Variants in ATP8A1 observed in about 807,000 individuals in gnomAD.
ATP8A1 encodes phospholipid-transporting ATPase IA.
A neutral mutation model predicts 177.7 loss-of-function variants in ATP8A1; 90 were observed. The observed-to-expected ratio is 0.51, with a 90% CI of 0.43 to 0.60. The LOEUF (loss-of-function observed/expected upper bound fraction) is 0.60, where lower values mean the gene tolerates loss of function less well. ATP8A1 is among the 20% of genes least tolerant of loss of function. The probability of loss-of-function intolerance (pLI) is 0.00; values close to 1 mark genes in which losing one functional copy is unlikely to be tolerated. For synonymous variants in ATP8A1, 493 were observed against 485.9 expected, an observed-to-expected ratio of 1.01 and a Z score of -0.19; for missense variants, 1,072 against 1,392.8, an observed-to-expected ratio of 0.77 and a Z score of 3.67.
chr4:42,650,695 A>C (rs546971733), intron 1 of ATP8A1, among the ~76,000 whole-genome samples: 17 of 152,186 alleles, frequency 1.1e-4, no homozygotes, highest in Non-Finnish European at 2.2e-4. Flanking sequence ...TAATCAAATA[A>C]ATGTCATTAT....
At position 42,455,337 on chromosome 4, in the gene ATP8A1, A is replaced by G. The variant is rs1718363025; in HGVS notation, c.2777T>C (p.Leu926Ser). 2.5e-6 allele frequency: 4 copies of G among 1,613,756 alleles called. No individual in the cohort carries two copies. The highest frequency in any genetic ancestry group is 3.4e-6 in the Non-Finnish European group (4 of 1,179,808). Residue 926 changes from leucine (L) to serine (S), a missense_variant, in exon 29 of 37, where the codon TTA becomes TCA. This residue lies in a region of ATP8A1 where 316 missense variants were observed against 459.1 expected (regional missense o/e 0.69). Coordinates refer to ENST00000381668, the MANE Select transcript of ATP8A1 (RefSeq NM_006095.2). ...CAGGGCATTCTGAGATGTTTTGTAT[A>G]ATTCAGGGTACTTCAACATGTTCTC... is the stretch of plus-strand genomic sequence containing the variant. ...RKENMLKYPE[L>S]YKTSQNALDF...
At position 42,533,934 on chromosome 4, in the gene ATP8A1, C is replaced by G. The variant is rs994314826; in HGVS notation, c.1723-9087G>C. Among the ~76,000 whole-genome samples the G allele has an allele frequency of 8.5e-5, 13 of 152,230 alleles. No individual in the cohort carries two copies. In the East Asian group the frequency reaches 2.5e-3, roughly 29 times the overall value. ...CAAGAACGGAAATAACAATCACTGC[C>G]GTTTGGCTCTCAGTAAGCCCCATCC... On this transcript the variant is annotated intron_variant, in intron 20 of 36. Coordinates refer to ENST00000381668, the MANE Select transcript of ATP8A1 (RefSeq NM_006095.2).
intron 25 of ATP8A1, 62 bp from the exon 26 acceptor site, chr4:42,465,138 G>A (rs768426106): frequency 8.4e-5 from 120 of 1,421,246 alleles, no homozygotes; most frequent in Middle Eastern, 3.6e-4. Context: ...AAATGCCATC[G>A]TGTTGAAGGA....
intron 7 of ATP8A1, among the ~76,000 whole-genome samples, chr4:42,590,378 A>T (rs1734044179): frequency 2.6e-5 from 4 of 152,188 alleles, no homozygotes; most frequent in Non-Finnish European, 5.9e-5. Flanking sequence ...TTACAGAAAA[A>T]TTTAAAATAC....
chr4:42,425,593 A>C (rs994885915), intron 33 of ATP8A1, among the ~76,000 whole-genome samples: 1 of 152,032 alleles, frequency 6.6e-6, no homozygotes, highest in African/African-American at 2.4e-5. Context: ...CCACAGAGGT[A>C]TTTCCTTCCT....
At chr4:42,454,709 G>A (rs547464141) in intron 29 of ATP8A1, among the ~76,000 whole-genome samples, 24 of 152,220 alleles carry the variant, frequency 1.6e-4, no homozygotes, top group Admixed American at 1.3e-3. Flanking sequence ...ATCACACCCA[G>A]AATGTGATTT....
At chr4:42,477,255 T>C (rs138924810) in intron 25 of ATP8A1, among the ~76,000 whole-genome samples, 183 of 152,330 alleles carry the variant, frequency 1.2e-3, no homozygotes, top group African/African-American at 4.0e-3. Flanking sequence ...TCAACCTCTC[T>C]AGTAATCAGA....
At chr4:42,589,159 A>C (rs1353863988) in intron 7 of ATP8A1, among the ~76,000 whole-genome samples, 1 of 152,110 alleles carries the variant, frequency 6.6e-6, no homozygotes, top group East Asian at 1.9e-4. Flanking sequence ...TCCCTTTCAC[A>C]TGCTGATTTG....
At chr4:42,495,910 A>G (rs2153191621) in intron 24 of ATP8A1, among the ~76,000 whole-genome samples, 1 of 152,300 alleles carries the variant, frequency 6.6e-6, no homozygotes, top group East Asian at 1.9e-4. Context: ...CTAATACACA[A>G]ATATAGGTTT....
chr4:42,432,204 A>C (rs78335978), intron 33 of ATP8A1, among the ~76,000 whole-genome samples: 7,024 of 152,138 alleles, frequency 0.046, 208 homozygotes, highest in South Asian at 0.061. Context: ...CTCCAGGGTT[A>C]CTCTAGAGTA....
rs896995718 is a variant in ATP8A1, at chr4:42,469,904, A to T, written c.2325-4828T>A. On this transcript the variant is annotated intron_variant, in intron 25 of 36. Transcript: ENST00000381668. ...ACAACTTAATTCTTCCTATGTCTATAAAAAAAATCACATATCCATGGCTGA... is the reference window on the plus strand; with the variant it reads ...ACAACTTAATTCTTCCTATGTCTATTAAAAAAATCACATATCCATGGCTGA... Among the ~76,000 whole-genome samples, 9 of 151,652 alleles carry T rather than the reference A, an allele frequency of 5.9e-5. No homozygotes were observed. In the South Asian group the frequency reaches 6.2e-4, roughly 10 times the overall value.
chr4:42,434,493 G>A (rs976521901), intron 33 of ATP8A1, among the ~76,000 whole-genome samples: 1 of 152,202 alleles, frequency 6.6e-6, no homozygotes, highest in East Asian at 1.9e-4. Flanking sequence ...AAGAAAAACA[G>A]CTGTTATATG....
intron 30 of ATP8A1, among the ~76,000 whole-genome samples, chr4:42,451,232 T>C (rs1188543453): frequency 5.3e-5 from 8 of 152,168 alleles, no homozygotes; most frequent in African/African-American, 1.4e-4. Context: ...CATTAATTGA[T>C]AGACGTAGGT....
At chr4:42,470,999 T>A (rs998294193) in intron 25 of ATP8A1, among the ~76,000 whole-genome samples, 1 of 152,148 alleles carries the variant, frequency 6.6e-6, no homozygotes, top group Non-Finnish European at 1.5e-5. Context: ...CTTACTTGAA[T>A]CCTTCTGAAC....
chr4:42,455,191 T>A, intron 29 of ATP8A1, 106 bp downstream of exon 29: 1 of 1,398,988 alleles, frequency 7.1e-7, no homozygotes. Flanking sequence ...CCTGGAGTTG[T>A]CTCAGGCTAG....
At chr4:42,584,939 T>C (rs535536192) in intron 9 of ATP8A1, among the ~76,000 whole-genome samples, 2 of 152,304 alleles carry the variant, frequency 1.3e-5, no homozygotes, top group South Asian at 2.1e-4. Context: ...ACAAAGCCCA[T>C]AGGATCTGGC....
chr4:42,479,961 C>T (rs1269092751), intron 25 of ATP8A1, among the ~76,000 whole-genome samples: 1 of 146,864 alleles, frequency 6.8e-6, no homozygotes, highest in African/African-American at 2.5e-5. Flanking sequence ...TACGTGTTAC[C>T]TACCTCATTA....
rs144542894 is a variant in ATP8A1 at position 42,549,057 on chromosome 4, C to T, written c.1608G>A (p.Gly536=). Residue 536 remains glycine, a synonymous_variant, in exon 19 of 37, where the codon GGG becomes GGA. Coordinates refer to ENST00000381668, the MANE Select transcript of ATP8A1 (RefSeq NM_006095.2). ...TGAGCAATTCATATCTTTCTTCCTGCCCCAGCTAAGAAGAAAAGGAATATA... is the reference window on the plus strand; with the variant it reads ...TGAGCAATTCATATCTTTCTTCCTGTCCCAGCTAAGAAGAAAAGGAATATA... The part of the protein sequence containing the change: ...TPDSVIIDSL[G]QEERYELLNV... 61 of 1,610,002 alleles carry T rather than the reference C, an allele frequency of 3.8e-5. No individual in the cohort carries two copies. The highest frequency in any genetic ancestry group is 4.9e-5 in the Non-Finnish European group (58 of 1,177,202).
intron 24 of ATP8A1, among the ~76,000 whole-genome samples, chr4:42,502,353 C>A (rs537950661): frequency 6.6e-6 from 1 of 152,238 alleles, no homozygotes; most frequent in Non-Finnish European, 1.5e-5. Flanking sequence ...TACACTGGTA[C>A]AACACAATGA....
Sources: gnomAD v4.1 joint callset for allele counts (sites outside exome capture counted in the v4.1 genomes callset) on GRCh38, gnomAD v4.1.1 for gene constraint, gnomAD v4.1.1 regional missense constraint, MANE v1.5 for transcripts, NCBI Gene and HGNC (gene_info 2026-07-23, HGNC 2026-07-21) for gene names.